The following PUDP variants were observed in gnomAD, a reference collection of about 807,000 sequenced individuals.
PUDP encodes the protein pseudouridine 5'-phosphatase, also known as pseudouridine-5'-phosphatase.
In PUDP, 8 loss-of-function variants were observed where a neutral mutation model predicts 9.4. That is an observed-to-expected ratio of 0.85 (90% CI 0.50 to 1.53). The LOEUF is 1.53. Among genes scored for constraint, PUDP ranks in the 40% most tolerant of loss-of-function variants. The probability of loss-of-function intolerance (pLI) is 0.00; values close to 1 mark genes in which losing one functional copy is unlikely to be tolerated. For missense variants in PUDP, 188 were observed against 189.7 expected, an observed-to-expected ratio of 0.99 and a Z score of 0.05; for synonymous variants, 99 against 80.7, an observed-to-expected ratio of 1.23 and a Z score of -1.22.
chrX:6,837,253 A>G (rs1926596838), intron 3 of PUDP, among the ~76,000 whole-genome samples: 1 of 111,331 alleles, frequency 9.0e-6, no homozygotes, highest in African/African-American at 3.2e-5. Flanking sequence ...AATACATCTC[A>G]TGGATTGAGG....
chrX:6,975,342 T>C (rs750702482), intron 3 of PUDP, among the ~76,000 whole-genome samples: 37 of 111,619 alleles, frequency 3.3e-4, no homozygotes, highest in Admixed American at 3.1e-3. Context: ...CTCATCTTTG[T>C]GGAATTATCT....
chrX:6,921,068 G>A (rs1928014585), intron 3 of PUDP, among the ~76,000 whole-genome samples: 1 of 110,726 alleles, frequency 9.0e-6, no homozygotes, highest in Non-Finnish European at 1.9e-5. Flanking sequence ...TAAGTCCTTG[G>A]CTTGAGTCAC....
intron 1 of PUDP, among the ~76,000 whole-genome samples, chrX:6,710,191 C>G (rs1222353664): frequency 1.8e-5 from 2 of 111,899 alleles, no homozygotes; most frequent in Non-Finnish European, 3.8e-5. Flanking sequence ...GCCTAGCACA[C>G]TCTAAGCACA....
At chrX:6,953,858 T>C (rs1928588082) in intron 3 of PUDP, among the ~76,000 whole-genome samples, 1 of 111,763 alleles carries the variant, frequency 8.9e-6, no homozygotes, top group Admixed American at 9.5e-5. Flanking sequence ...AGATCTCATC[T>C]TGAATTGTAG....
At chrX:7,077,023 T>A (rs1029007857) in intron 3 of PUDP, among the ~76,000 whole-genome samples, 197 bp downstream of exon 3, 46 of 112,002 alleles carry the variant, frequency 4.1e-4, no homozygotes, top group African/African-American at 1.5e-3. Flanking sequence ...GCCTGGTGAC[T>A]TAGGTGCGGC....
chrX:7,049,967 C>T lies in PUDP; in HGVS notation c.*329G>A. Reference sequence around the variant, plus strand: ...ACCTGCATATTACCAAACTGATACACACATGTATATATGGAGGTGTGTGTG... The same window carrying T: ...ACCTGCATATTACCAAACTGATACATACATGTATATATGGAGGTGTGTGTG... On this transcript the variant is annotated 3_prime_UTR_variant, in exon 4 of 4. Transcript: ENST00000381077. The T allele has an allele frequency of 5.0e-6, 1 of 200,720 alleles. No individual in the cohort carries two copies. Among genetic ancestry groups the T allele is most frequent in the Non-Finnish European group, 9.1e-6 (1 of 109,545 alleles). 16.5% of individuals were successfully genotyped at this position (200,720 alleles called of 1,213,427 possible).
intron 3 of PUDP, among the ~76,000 whole-genome samples, chrX:6,811,616 G>C (rs778936973): frequency 1.1e-5 from 1 of 87,286 alleles, no homozygotes; most frequent in South Asian, 7.2e-4. Context: ...GAGCCATCAC[G>C]CCTGGCCTTT....
Position 6,806,434 on chromosome X carries a change from C to T in PUDP, c.*248-99968G>A, listed in dbSNP as rs1004004058. Reference sequence around the variant, plus strand: ...CTTGAACTCCCTGGCTCAACTGATCCTTCCACCTCAGCCCAAGCAGCTGGG... The same window carrying T: ...CTTGAACTCCCTGGCTCAACTGATCTTTCCACCTCAGCCCAAGCAGCTGGG... On this transcript the variant is annotated intron_variant and NMD_transcript_variant, in intron 3 of 3. Coordinates refer to the PUDP transcript ENST00000655425. Among the ~76,000 whole-genome samples the T allele has an allele frequency of 1.1e-4, 12 of 111,805 alleles. 1 individual carries two copies. The highest frequency in any genetic ancestry group is 1.0e-3 in the Admixed American group (11 of 10,508).
At chrX:7,082,130 G>C (rs181044752) in intron 2 of PUDP, among the ~76,000 whole-genome samples, 12 of 112,006 alleles carry the variant, frequency 1.1e-4, no homozygotes, top group South Asian at 3.7e-4. Context: ...TTACAGGAAG[G>C]GCAGAGAGAC....
At chrX:7,119,077 C>T (rs1433172639) in intron 1 of PUDP, among the ~76,000 whole-genome samples, 1 of 112,348 alleles carries the variant, frequency 8.9e-6, no homozygotes, top group African/African-American at 3.2e-5. Context: ...ATGTCACCTT[C>T]AGCTAACTAA....
At chrX:6,849,194 G>T (rs1335642220) in intron 3 of PUDP, among the ~76,000 whole-genome samples, 1 of 111,842 alleles carries the variant, frequency 8.9e-6, no homozygotes, top group Non-Finnish European at 1.9e-5. Flanking sequence ...TTGAAGGTGA[G>T]ATGTACCGAA....
At chrX:6,975,494 G>T (rs978168673) in intron 3 of PUDP, among the ~76,000 whole-genome samples, 2 of 110,884 alleles carry the variant, frequency 1.8e-5, no homozygotes, top group African/African-American at 6.6e-5. Context: ...CCTGGAGTTT[G>T]CTGGAGGTCC....
At chrX:6,747,452 T>G (rs1245893577) in intron 3 of PUDP, among the ~76,000 whole-genome samples, 2 of 112,546 alleles carry the variant, frequency 1.8e-5, no homozygotes, top group African/African-American at 6.5e-5. Context: ...CAATTAACTA[T>G]ACATATCATT....
intron 3 of PUDP, among the ~76,000 whole-genome samples, chrX:6,848,585 A>G (rs904707785): frequency 2.7e-5 from 3 of 112,069 alleles, no homozygotes; most frequent in African/African-American, 9.7e-5. Context: ...TGTGATTTGG[A>G]TGTTTCTCCC....
At chrX:6,711,006 G>A (rs1281124224) in intron 1 of PUDP, among the ~76,000 whole-genome samples, 1 of 111,410 alleles carries the variant, frequency 9.0e-6, no homozygotes, top group African/African-American at 3.3e-5. Flanking sequence ...TGTAAATTCC[G>A]TTTTGTGGAA....
At chrX:6,818,570 T>C (rs1926288424) in intron 3 of PUDP, among the ~76,000 whole-genome samples, 1 of 112,614 alleles carries the variant, frequency 8.9e-6, no homozygotes, top group Admixed American at 9.4e-5. Context: ...CAATCCTCCT[T>C]CTTTCCTCAG....
chrX:7,113,194 C>T (rs1264920757), intron 1 of PUDP: 1 of 112,565 alleles, frequency 8.9e-6, no homozygotes, highest in Non-Finnish European at 1.9e-5. Context: ...GGTACAGGGG[C>T]AGAACTGCCT....
At chrX:6,738,318 C>T (rs770337722) in intron 3 of PUDP, among the ~76,000 whole-genome samples, 1 of 111,371 alleles carries the variant, frequency 9.0e-6, no homozygotes, top group Non-Finnish European at 1.9e-5. Flanking sequence ...CCATGCGTGT[C>T]GATTTCTGAG....
intron 3 of PUDP, among the ~76,000 whole-genome samples, chrX:6,974,212 T>C (rs1386556799): frequency 2.7e-5 from 3 of 112,136 alleles, no homozygotes; most frequent in African/African-American, 9.7e-5. Context: ...CATATAAGGT[T>C]AATATTGTTA....
Sources: allele counts gnomAD v4.1 joint callset (sites outside exome capture counted in the v4.1 genomes callset), GRCh38; gene constraint gnomAD v4.1.1; transcripts MANE v1.5; gene names NCBI Gene and HGNC (gene_info 2026-07-23, HGNC 2026-07-21).